The following IQCM variants were observed in gnomAD, a reference collection of about 807,000 sequenced individuals.
IQCM encodes the protein IQ domain-containing protein M.
A neutral mutation model predicts 57.6 loss-of-function variants in IQCM; 45 were observed. That is an observed-to-expected ratio of 0.78 (90% confidence interval 0.62 to 1.00). The LOEUF (loss-of-function observed/expected upper bound fraction) is 1.00, where lower values mean the gene tolerates loss of function less well. IQCM is among the 50% of genes least tolerant of loss of function. The probability of loss-of-function intolerance (pLI) is 0.00; values close to 1 mark genes in which losing one functional copy is unlikely to be tolerated. For synonymous variants in IQCM, 148 were observed against 158.9 expected (o/e 0.93, Z 0.51); for missense variants, 468 against 511.6 (o/e 0.91, Z 0.82).
At chr4:149,374,184 G>C (rs1730555166) in intron 13 of IQCM, among the ~76,000 whole-genome samples, 1 of 152,106 alleles carries the variant, frequency 6.6e-6, no homozygotes. Context: ...CATCTCTTTA[G>C]TGTTCTGAGT....
At chr4:149,632,969 G>A (rs1045967713) in intron 7 of IQCM, among the ~76,000 whole-genome samples, 2 of 151,238 alleles carry the variant, frequency 1.3e-5, no homozygotes, top group African/African-American at 4.9e-5. Context: ...AGACCATCCT[G>A]GCTAACAAGG....
intron 2 of IQCM, among the ~76,000 whole-genome samples, chr4:149,784,660 C>T (rs1771917572): frequency 6.6e-6 from 1 of 152,078 alleles, no homozygotes; most frequent in Admixed American, 6.5e-5. Flanking sequence ...GTGATCCACC[C>T]GCCTCGGCCT....
At chr4:149,757,446 G>T (rs1769085936) in intron 2 of IQCM, among the ~76,000 whole-genome samples, 1 of 151,860 alleles carries the variant, frequency 6.6e-6, no homozygotes, top group Non-Finnish European at 1.5e-5. Flanking sequence ...GGCTATAAAA[G>T]CTATAGTTAA....
At chr4:149,489,364 T>C (rs1741851378) in intron 12 of IQCM, among the ~76,000 whole-genome samples, 1 of 152,098 alleles carries the variant, frequency 6.6e-6, no homozygotes, top group South Asian at 2.1e-4. Flanking sequence ...ATAATTTGCT[T>C]AAAAAGCAAC....
intron 7 of IQCM, among the ~76,000 whole-genome samples, chr4:149,651,257 G>A (rs1212372941): frequency 2.0e-5 from 3 of 152,138 alleles, no homozygotes; most frequent in African/African-American, 7.2e-5. Flanking sequence ...GACAGCAGAA[G>A]CACCCTGGAC....
chr4:149,666,588 C>T (rs1760746061), intron 7 of IQCM, among the ~76,000 whole-genome samples: 1 of 152,096 alleles, frequency 6.6e-6, no homozygotes, highest in South Asian at 2.1e-4. Flanking sequence ...ACCGTTTACT[C>T]CCCTGGAAAG....
chr4:149,582,368 A>G (rs1224172089), intron 9 of IQCM, among the ~76,000 whole-genome samples: 1 of 109,122 alleles, frequency 9.2e-6, no homozygotes, highest in Non-Finnish European at 1.8e-5. Flanking sequence ...ATATATATAT[A>G]TTTAGTTGAA....
chr4:149,508,825 C>T (rs1279510231), intron 12 of IQCM, among the ~76,000 whole-genome samples: 1 of 152,092 alleles, frequency 6.6e-6, no homozygotes, highest in East Asian at 1.9e-4. Context: ...TGTGTCCCCA[C>T]CCAAATCTCA....
At chr4:149,374,967 T>TTG (rs145080282) in intron 13 of IQCM, among the ~76,000 whole-genome samples, 12,899 of 125,340 alleles carry the variant, frequency 0.1, 815 homozygotes, top group African/African-American at 0.2. Flanking sequence ...CACACTTTCT[T>TTG]TGTGTGTGTG....
At chr4:149,523,016 T>C (rs1378982791) in intron 12 of IQCM, among the ~76,000 whole-genome samples, 1 of 152,186 alleles carries the variant, frequency 6.6e-6, no homozygotes, top group Non-Finnish European at 1.5e-5. Flanking sequence ...TTATTTCTCA[T>C]GATTCTGGAG....
chr4:149,514,058 C>G (rs1018422990), intron 12 of IQCM, among the ~76,000 whole-genome samples: 14 of 151,736 alleles, frequency 9.2e-5, no homozygotes, highest in Admixed American at 5.2e-4. Context: ...CTTTTTGTTT[C>G]TGTGGCATCT....
chr4:149,439,797 A>G (rs1302052880), intron 12 of IQCM, among the ~76,000 whole-genome samples: 1 of 152,108 alleles, frequency 6.6e-6, no homozygotes, highest in East Asian at 1.9e-4. Context: ...TAATACAATA[A>G]CACAAAAAAT....
At chr4:149,538,194 T>C (rs1010719319) in intron 12 of IQCM, among the ~76,000 whole-genome samples, 3 of 151,712 alleles carry the variant, frequency 2.0e-5, no homozygotes, top group Non-Finnish European at 4.4e-5. Flanking sequence ...ACTATATTGC[T>C]AGGCTTATAA....
intron 12 of IQCM, among the ~76,000 whole-genome samples, chr4:149,461,558 C>T (rs568583040): frequency 2.0e-5 from 3 of 150,778 alleles, no homozygotes; most frequent in African/African-American, 7.3e-5. Context: ...GGTGGCTAAG[C>T]TGGGAGGACT....
chr4:149,608,626 G>A (rs2150047953), intron 8 of IQCM, among the ~76,000 whole-genome samples: 1 of 151,768 alleles, frequency 6.6e-6, no homozygotes, highest in Non-Finnish European at 1.5e-5. Flanking sequence ...GAAAATGGTA[G>A]AAACATATGG....
At chr4:149,528,213 T>C (rs1238593109) in intron 12 of IQCM, among the ~76,000 whole-genome samples, 1 of 152,106 alleles carries the variant, frequency 6.6e-6, no homozygotes, top group African/African-American at 2.4e-5. Flanking sequence ...CTTGAACTAC[T>C]GACCTCAGAC....
chr4:149,643,060 A>G (rs1000522655), intron 7 of IQCM, among the ~76,000 whole-genome samples: 5 of 152,038 alleles, frequency 3.3e-5, no homozygotes, highest in Non-Finnish European at 7.4e-5. Context: ...AAATCAAAAC[A>G]TTATTTACCG....
intron 12 of IQCM, among the ~76,000 whole-genome samples, chr4:149,456,563 A>G (rs1314117233): frequency 6.6e-6 from 1 of 152,092 alleles, no homozygotes; most frequent in Non-Finnish European, 1.5e-5. Context: ...GCAACCCATC[A>G]CATGAGCAGA....
chr4:149,446,850 T>C (rs1476021916), intron 12 of IQCM, among the ~76,000 whole-genome samples: 2 of 151,706 alleles, frequency 1.3e-5, no homozygotes, highest in African/African-American at 2.4e-5. Flanking sequence ...TTTACATGTA[T>C]TATAACAAAA....
Sources: gnomAD v4.1 joint callset for allele counts (sites outside exome capture counted in the v4.1 genomes callset) on GRCh38, gnomAD v4.1.1 for gene constraint, MANE v1.5 for transcripts, NCBI Gene and HGNC (gene_info 2026-07-23, HGNC 2026-07-21) for gene names.